The following ADNP2 variants were observed in gnomAD, a reference collection of about 807,000 sequenced individuals.
The protein encoded by ADNP2 is ADNP homeobox 2.
Under a neutral mutation model 16.4 loss-of-function variants are expected in ADNP2, and 8 were observed. That is an observed-to-expected ratio of 0.49 (90% CI 0.29 to 0.88). The LOEUF is 0.88. ADNP2 is among the 40% of genes least tolerant of loss of function. The pLI, the probability that ADNP2 is intolerant of heterozygous loss-of-function variation, is 0.09. For synonymous variants in ADNP2, 637 were observed against 545.8 expected, an observed-to-expected ratio of 1.17 and a Z score of -2.33; for missense variants, 1,397 against 1,395.1, an observed-to-expected ratio of 1.00 and a Z score of -0.02.
In ADNP2 at chr18:80,138,435, C is replaced by G. The variant is rs148260789; in HGVS notation, c.3022C>G (p.Pro1008Ala). 31 of 1,613,916 alleles carry G rather than the reference C, an allele frequency of 1.9e-5. No homozygotes were observed. In the African/African-American group the frequency reaches 4.0e-4, roughly 21 times the overall value. ...CCTAAATGCCGATGCAGCCCCGGGTCCAGAAAAGGTGACGAGTGTTGTGCC... is the reference window on the plus strand; with the variant it reads ...CCTAAATGCCGATGCAGCCCCGGGTGCAGAAAAGGTGACGAGTGTTGTGCC... The part of the protein sequence containing the change: ...PILNADAAPG[P>A]EKVTSVVPFK... The change falls in exon 4 of 4, where the codon CCA (proline) becomes GCA (alanine). Residue 1008 changes from proline (P) to alanine (A), a missense_variant. Coordinates refer to ENST00000262198, the MANE Select transcript of ADNP2 (RefSeq NM_014913.4).
Position 80,136,507 on chromosome 18 carries a change from A to C in ADNP2, c.1094A>C (p.Gln365Pro). Residue 365 changes from glutamine (Q) to proline (P), a missense_variant, in exon 4 of 4, where the codon CAG becomes CCG. This residue lies in a region of ADNP2 where 777 missense variants were observed against 719.4 expected (regional missense o/e 1.08). Transcript: ENST00000262198. ...VFLSHGVPLH[Q>P]SVNPPVLPLS... The stretch of plus-strand genomic sequence containing the variant: ...CTTTCTCACGGGGTTCCACTTCATC[A>C]GTCTGTGAATCCTCCTGTGTTGCCC... 4 of 1,614,090 alleles carry C rather than the reference A, an allele frequency of 2.5e-6. No homozygotes were observed. Among genetic ancestry groups the C allele is most frequent in the Non-Finnish European group, 3.4e-6 (4 of 1,180,022 alleles).
chr18:80,125,810 CA>C (rs1310690423), intron 2 of ADNP2, among the ~76,000 whole-genome samples: 1 of 151,832 alleles, frequency 6.6e-6, no homozygotes, highest in Non-Finnish European at 1.5e-5. Flanking sequence ...GACACTGTCT[CA>C]AAAAAAATTT....
intron 2 of ADNP2, among the ~76,000 whole-genome samples, chr18:80,126,321 T>G (rs565949084): frequency 6.6e-6 from 1 of 152,282 alleles, no homozygotes; most frequent in East Asian, 1.9e-4. Context: ...ACTTTTATTT[T>G]AAACTGTAAA....
intron 1 of ADNP2, among the ~76,000 whole-genome samples, chr18:80,115,839 G>A (rs556823093): frequency 2.6e-5 from 4 of 152,104 alleles, no homozygotes; most frequent in Middle Eastern, 3.4e-3. Context: ...GCAGTGGCGC[G>A]ACCTCGGCTC....
In ADNP2 at chr18:80,119,717, G is replaced by T. The variant is rs116992609; in HGVS notation, c.108+2067G>T. On this transcript the variant is annotated intron_variant, in intron 2 of 3. Transcript: ENST00000262198. ...TTCTAAACTATATCTAAACCCTGCT[G>T]CACATAGAAACTCTTTAGGAGTTGT... is the stretch of plus-strand genomic sequence containing the variant. Among the ~76,000 whole-genome samples, 139 of 152,320 alleles carry T rather than the reference G, an allele frequency of 9.1e-4. 5 individuals carry two copies. The East Asian group carries it at 0.019, about 21-fold the overall frequency.
chr18:80,131,569 CTT>C (rs34075834), intron 2 of ADNP2, among the ~76,000 whole-genome samples: 37,253 of 113,314 alleles, frequency 0.33, 6,013 homozygotes, highest in Non-Finnish European at 0.44. Context: ...GATGAAGATT[CTT>C]TTTTTTTTTT....
Position 80,135,775 on chromosome 18 carries a change from G to A in ADNP2, c.362G>A (p.Gly121Glu). 2.5e-6 allele frequency: 4 copies of A among 1,614,190 alleles called. No homozygotes were observed. The highest frequency in any genetic ancestry group is 2.7e-5 in the African/African-American group (2 of 75,040). Reference protein sequence around the residue: ...CVFASQPKVVGRHFRMFHAPV... With the variant: ...CVFASQPKVVERHFRMFHAPV... ...TTTGCATCTCAGCCCAAAGTTGTGG[G>A]AAGGCACTTCAGAATGTTCCATGCA... The change falls in exon 4 of 4, where the codon GGA becomes GAA. Residue 121 changes from glycine to glutamate, a missense_variant. Transcript: ENST00000262198.
At position 80,109,427 on chromosome 18, in the gene ADNP2, T is replaced by G. The variant is rs1024200302; in HGVS notation, c.-59T>G. 9.4e-5 allele frequency: 14 copies of G among 148,156 alleles called. No individual in the cohort carries two copies. The highest frequency in any genetic ancestry group is 2.7e-4 in the African/African-American group (11 of 41,090). 9.2% of individuals were successfully genotyped at this position (148,156 alleles called of 1,614,324 possible). A position where few individuals can be genotyped will look rare whatever the true frequency, so the allele number is the denominator to read the frequency against. On this transcript the variant is annotated 5_prime_UTR_variant, in exon 1 of 4. Coordinates refer to ENST00000262198, the MANE Select transcript of ADNP2 (RefSeq NM_014913.4). ...CGCTCGGCGGAAGACGCGGCAGCCC[T>G]GCGAGAGGCAGCAGCGGAGACGCGG...
intron 2 of ADNP2, among the ~76,000 whole-genome samples, chr18:80,129,737 A>G (rs574569031): frequency 6.6e-6 from 1 of 152,314 alleles, no homozygotes; most frequent in South Asian, 2.1e-4. Flanking sequence ...AATACAATAG[A>G]TGGCAGTCTG....
chr18:80,137,848 T>C lies in ADNP2; in HGVS notation c.2435T>C (p.Val812Ala). The C allele has an allele frequency of 6.2e-7, 1 of 1,614,080 alleles. No individual in the cohort carries two copies. Among genetic ancestry groups the C allele is most frequent in the Non-Finnish European group, 8.5e-7 (1 of 1,180,032 alleles). The stretch of plus-strand genomic sequence containing the variant: ...AGCAACAGAGGTTTTCAATTAGATG[T>C]CGATGCCAATGGCAACCTGCTCTTT... ...DYSNRGFQLD[V>A]DANGNLLFPH... Residue 812 changes from valine (V) to alanine (A), a missense_variant, in exon 4 of 4, where the codon GTC (valine) becomes GCC (alanine). By Grantham distance (64) the Val-to-Ala change is moderately conservative. This residue lies in a region of ADNP2 where 611 missense variants were observed against 648.7 expected (regional missense o/e 0.94). Coordinates refer to ENST00000262198, the MANE Select transcript of ADNP2 (RefSeq NM_014913.4). The surrounding 1 kb of genome is among the most constrained non-coding windows in gnomAD (Gnocchi z 4.2).
chr18:80,116,142 T>A (rs1388229082), intron 1 of ADNP2, among the ~76,000 whole-genome samples: 1 of 152,224 alleles, frequency 6.6e-6, no homozygotes, highest in Non-Finnish European at 1.5e-5. Flanking sequence ...GGTCCTTGTG[T>A]CTGGCTTCTT....
rs766420991 is a variant in ADNP2 at position 80,117,525 on chromosome 18, T to A, written c.-13-5T>A. 1.6e-5 allele frequency: 25 copies of A among 1,567,118 alleles called. No homozygotes were observed. The highest frequency in any genetic ancestry group is 2.1e-5 in the Non-Finnish European group (24 of 1,156,724). On this transcript the variant is annotated splice_polypyrimidine_tract_variant and splice_region_variant and intron_variant, in intron 1 of 3. Transcript: ENST00000262198. ...TATTACAGTTTTGTTTTCTTTCCTT[T>A]TAAGGAAAATTTCAAAAATGTTTCA...
Position 80,137,105 on chromosome 18 carries a change from C to T in ADNP2, c.1692C>T (p.Val564=). Residue 564 remains valine, a synonymous_variant, in exon 4 of 4, where the codon GTC becomes GTT. Transcript: ENST00000262198. The surrounding 1 kb of genome is among the most constrained non-coding windows in gnomAD (Gnocchi z 4.2). ...LPVGQPVRPG[V]LQLNQTVGTN... ...TGGGCCAGCCAGTGAGGCCTGGGGT[C>T]TTGCAACTCAACCAGACTGTGGGCA... 2 of 1,614,160 alleles carry T rather than the reference C, an allele frequency of 1.2e-6. No individual in the cohort carries two copies. Among genetic ancestry groups the T allele is most frequent in the Non-Finnish European group, 1.7e-6 (2 of 1,180,026 alleles).
At chr18:80,122,124 T>C (rs551707503) in intron 2 of ADNP2, among the ~76,000 whole-genome samples, 1 of 152,148 alleles carries the variant, frequency 6.6e-6, no homozygotes, top group Non-Finnish European at 1.5e-5. Flanking sequence ...TTTGTGATGT[T>C]GGCCAGGCTG....
In ADNP2 at chr18:80,140,093, C is replaced by G. The variant is rs549020353; in HGVS notation, c.*1284C>G. ...GGTACACAGCAGAGGAACCCCTTCA[C>G]TCTATCTTTAGGTAGAAATATTTGG... On this transcript the variant is annotated 3_prime_UTR_variant, in exon 4 of 4. Coordinates refer to ENST00000262198, the MANE Select transcript of ADNP2 (RefSeq NM_014913.4). 6.6e-6 allele frequency: 1 copy of G among 152,304 alleles called. No individual in the cohort carries two copies. The highest frequency in any genetic ancestry group is 1.9e-4 in the East Asian group (1 of 5,192). The allele number at this position is 152,304 out of a possible 1,614,324, so 9.4% of individuals were successfully genotyped here. A position where few individuals can be genotyped will look rare whatever the true frequency, so the allele number is the denominator to read the frequency against.
rs768680902 is a variant in ADNP2 at position 80,138,107 on chromosome 18, C to T, written c.2694C>T (p.His898=). The change falls in exon 4 of 4, where the codon CAC becomes CAT. Residue 898 remains histidine, a synonymous_variant. Transcript: ENST00000262198. ...EAYELHLKER[H]HIMPTVHTVL... The stretch of plus-strand genomic sequence containing the variant: ...ATGAGCTGCATTTGAAGGAGAGGCA[C>T]CACATCATGCCCACAGTCCACACGG... 6.2e-7 allele frequency: 1 copy of T among 1,613,998 alleles called. No individual in the cohort carries two copies. The highest frequency in any genetic ancestry group is 1.1e-5 in the South Asian group (1 of 91,090).
intron 2 of ADNP2, 23 bp downstream of exon 2, chr18:80,117,673 C>A (rs1225303064): frequency 6.4e-7 from 1 of 1,557,888 alleles, no homozygotes; most frequent in Non-Finnish European, 8.7e-7. Flanking sequence ...AAGTAGCCAA[C>A]TGGAATCTGG....
rs1249680469 is a variant in ADNP2 at position 80,137,647 on chromosome 18, A to G, written c.2234A>G (p.Lys745Arg). The G allele has an allele frequency of 3.1e-6, 5 of 1,614,106 alleles. No homozygotes were observed. Among genetic ancestry groups the G allele is most frequent in the Non-Finnish European group, 3.4e-6 (4 of 1,180,036 alleles). The change falls in exon 4 of 4, where the codon AAA becomes AGA. Residue 745 changes from lysine to arginine, a missense_variant. Physicochemically the swap from Lys to Arg is conservative, Grantham distance 26 (BLOSUM62 2). Transcript: ENST00000262198. The surrounding 1 kb of genome is among the most constrained non-coding windows in gnomAD (Gnocchi z 4.2). Reference sequence around the variant, plus strand: ...CCATTTCTAAAGTGGATGAGAGAGAAAACGGTGCGATGTCTGTCTTGTAAG... The same window carrying G: ...CCATTTCTAAAGTGGATGAGAGAGAGAACGGTGCGATGTCTGTCTTGTAAG... ...CAPFLKWMRE[K>R]TVRCLSCKCL... is the part of the protein sequence containing the mutation.
intron 2 of ADNP2, among the ~76,000 whole-genome samples, chr18:80,123,495 C>T (rs1000254383): frequency 6.6e-5 from 10 of 151,894 alleles, no homozygotes; most frequent in Admixed American, 1.3e-4. Flanking sequence ...CTCAGCCTCC[C>T]GAGTAGCTGA....
Sources: gnomAD v4.1 joint callset for allele counts (sites outside exome capture counted in the v4.1 genomes callset) on GRCh38, gnomAD v4.1.1 for gene constraint, gnomAD v4.1.1 regional missense constraint, Gnocchi (gnomAD v3.1) non-coding constraint, MANE v1.5 for transcripts, NCBI Gene and HGNC (gene_info 2026-07-23, HGNC 2026-07-21) for gene names.